The following NLRP3 variants were observed in gnomAD, a reference collection of about 807,000 sequenced individuals.
NLRP3 encodes the protein NACHT, LRR and PYD domains-containing protein 3.
In NLRP3, 48 loss-of-function variants were observed where a neutral mutation model predicts 91.3. The ratio of observed to expected loss-of-function variants is 0.53; its 90% CI spans 0.42 to 0.67. NLRP3 has a LOEUF of 0.67. Ranked by LOEUF, NLRP3 falls within the 30% of genes least tolerant of loss-of-function variation. The probability of loss-of-function intolerance (pLI) is 0.00; values close to 1 mark genes in which losing one functional copy is unlikely to be tolerated. For missense variants in NLRP3, 982 were observed against 1,276.9 expected (o/e 0.77, Z 3.52); for synonymous variants, 561 against 507.9 (o/e 1.10, Z -1.41).
At chr1:247,433,800 TCTCTGGTCAGGTGTG>T (rs1558200282) in intron 5 of NLRP3, among the ~76,000 whole-genome samples, 21 of 137,862 alleles carry the variant, frequency 1.5e-4, no homozygotes, top group South Asian at 4.7e-4. Context: ...ATTCCAGAGC[TCTCTGGTCAGGTGTG>T]TCCTGATGCT....
Position 247,424,166 on chromosome 1 carries a change from G to T in NLRP3, c.717G>T (p.Leu239Phe), listed in dbSNP as rs770294045. Residue 239 changes from leucine (L) to phenylalanine (F), a missense_variant, in exon 4 of 10, where the codon TTG becomes TTT. Coordinates refer to ENST00000336119, the MANE Select transcript of NLRP3 (RefSeq NM_001243133.2). The surrounding 1 kb of genome is among the most constrained non-coding windows in gnomAD (Gnocchi z 8.1). ...GKTILARKMM[L>F]DWASGTLYQD... is the part of the protein sequence containing the mutation. ...CAATCCTGGCCAGGAAGATGATGTTGGACTGGGCGTCGGGGACACTCTACC... is the reference window on the plus strand; with the variant it reads ...CAATCCTGGCCAGGAAGATGATGTTTGACTGGGCGTCGGGGACACTCTACC... 1.6e-5 allele frequency: 26 copies of T among 1,613,976 alleles called. No individual in the cohort carries two copies. The highest frequency in any genetic ancestry group is 2.1e-5 in the Non-Finnish European group (25 of 1,180,028).
chr1:247,419,162 ATAT>A (rs1335820682), intron 2 of NLRP3, 85 bp downstream of exon 2: 40,381 of 245,402 alleles, frequency 0.16, 712 homozygotes, highest in Admixed American at 0.3. Flanking sequence ...ATATATATAT[ATAT>A]TTTTTTTTGA....
intron 9 of NLRP3, among the ~76,000 whole-genome samples, chr1:247,448,152 G>A (rs1186290690): frequency 1.3e-5 from 2 of 151,838 alleles, no homozygotes; most frequent in South Asian, 2.1e-4. Context: ...GACACGACGA[G>A]CACCGGCTCC....
At chr1:247,443,351 A>G (rs1193163874) in intron 7 of NLRP3, among the ~76,000 whole-genome samples, 2 of 152,002 alleles carry the variant, frequency 1.3e-5, no homozygotes, top group African/African-American at 4.8e-5. Context: ...CACCTCTCCA[A>G]CGTGGTTGAG....
At chr1:247,442,492 C>T (rs1293583353) in intron 7 of NLRP3, among the ~76,000 whole-genome samples, 1 of 152,046 alleles carries the variant, frequency 6.6e-6, no homozygotes. Flanking sequence ...AATAGTACAT[C>T]AAAACTCTTA....
At chr1:247,430,466 A>C (rs1031601657) in intron 5 of NLRP3, among the ~76,000 whole-genome samples, 4 of 152,096 alleles carry the variant, frequency 2.6e-5, no homozygotes, top group Admixed American at 2.6e-4. Context: ...TAATCTAGTC[A>C]CTCCTTTAAA....
Position 247,419,024 on chromosome 1 carries a change from C to T in NLRP3, c.224C>T (p.Ala75Val), listed in dbSNP as rs200288250. ...AWAMAVWIFA[A>V]INRRDLYEKA... is the part of the protein sequence containing the mutation. ...GCCATGGCCGTGTGGATCTTCGCTG[C>T]GATCAACAGGAGAGACCTTTATGAG... The change falls in exon 2 of 10, where the codon GCG becomes GTG. Residue 75 changes from alanine (A) to valine (V), a missense_variant. Ala to Val is a moderately conservative substitution (Grantham distance 64). Transcript: ENST00000336119. 282 of 1,613,078 alleles carry T rather than the reference C, an allele frequency of 1.7e-4. 1 individual carries two copies. The Middle Eastern group carries it at 3.8e-3, about 22-fold the overall frequency.
chr1:247,424,075 C>A lies in NLRP3; in HGVS notation c.626C>A (p.Pro209His). 6.2e-7 allele frequency: 1 copy of A among 1,614,034 alleles called. No individual in the cohort carries two copies. Among genetic ancestry groups the A allele is most frequent in the Non-Finnish European group, 8.5e-7 (1 of 1,180,020 alleles). ...ATTAAGATGGAGTTGCTGTTTGACC[C>A]CGATGATGAGCATTCTGAGCCTGTG... ...SPIKMELLFD[P>H]DDEHSEPVHT... Residue 209 changes from proline to histidine, a missense_variant, in exon 4 of 10, where the codon CCC becomes CAC. Coordinates refer to ENST00000336119, the MANE Select transcript of NLRP3 (RefSeq NM_001243133.2). The surrounding 1 kb of genome is among the most constrained non-coding windows in gnomAD (Gnocchi z 8.1).
chr1:247,422,785 G>A (rs775891684), intron 2 of NLRP3, among the ~76,000 whole-genome samples: 4 of 152,242 alleles, frequency 2.6e-5, no homozygotes, highest in South Asian at 4.1e-4. Flanking sequence ...AATAGAAGAC[G>A]TGTGTAAAAT....
rs1663606714 is a variant in NLRP3 at position 247,434,150 on chromosome 1, T to C, written c.2369T>C (p.Leu790Ser). The change falls in exon 6 of 10, where the codon TTG (leucine) becomes TCG (serine). Residue 790 changes from leucine (L) to serine (S), a missense_variant. Physicochemically the swap from Leu to Ser is moderately radical, Grantham distance 145. Coordinates refer to ENST00000336119, the MANE Select transcript of NLRP3 (RefSeq NM_001243133.2). ...LSHECCFDIS[L>S]VLSSNQKLVE... ...CATGAGTGCTGCTTCGACATCTCCTTGGTCCTCAGCAGCAACCAGAAGCTG... is the reference window on the plus strand; with the variant it reads ...CATGAGTGCTGCTTCGACATCTCCTCGGTCCTCAGCAGCAACCAGAAGCTG... The C allele has an allele frequency of 6.2e-7, 1 of 1,613,714 alleles. No individual in the cohort carries two copies. The highest frequency in any genetic ancestry group is 8.5e-7 in the Non-Finnish European group (1 of 1,179,874).
At chr1:247,426,369 G>A (rs538626517) in intron 4 of NLRP3, among the ~76,000 whole-genome samples, 24 of 152,320 alleles carry the variant, frequency 1.6e-4, no homozygotes, top group African/African-American at 5.5e-4. Flanking sequence ...AAGTGGTTGA[G>A]TCACCTGACT....
At chr1:247,446,116 G>A (rs745339665) in intron 9 of NLRP3, among the ~76,000 whole-genome samples, 2 of 152,118 alleles carry the variant, frequency 1.3e-5, no homozygotes, top group East Asian at 3.9e-4. Context: ...TGGTTCTGTC[G>A]TCACTGTCTC....
chr1:247,426,363 GGTTGA>G (rs1662882756), intron 4 of NLRP3, among the ~76,000 whole-genome samples: 1 of 152,170 alleles, frequency 6.6e-6, no homozygotes, highest in African/African-American at 2.4e-5. Flanking sequence ...GCAATGAAGT[GGTTGA>G]GTCACCTGAC....
At chr1:247,441,557 T>C (rs1453715739) in intron 7 of NLRP3, among the ~76,000 whole-genome samples, 2 of 152,184 alleles carry the variant, frequency 1.3e-5, no homozygotes, top group Non-Finnish European at 2.9e-5. Flanking sequence ...TTTTGTGACA[T>C]AGGCAGGTAG....
intron 7 of NLRP3, among the ~76,000 whole-genome samples, chr1:247,441,201 C>CCT (rs58627755): frequency 0.33 from 42,319 of 128,248 alleles, 7,548 homozygotes; most frequent in East Asian, 0.47. Context: ...CCTCCCCCCC[C>CCT]CCTTTCCCTT....
intron 5 of NLRP3, among the ~76,000 whole-genome samples, chr1:247,431,621 C>T (rs865990995): frequency 6.6e-6 from 1 of 152,140 alleles, no homozygotes; most frequent in South Asian, 2.1e-4. Flanking sequence ...CATCTTAGTA[C>T]CCATCAGTGG....
Position 247,448,409 on chromosome 1 carries a change from T to C in NLRP3, c.3010T>C (p.Ser1004Pro), listed in dbSNP as rs1664742757. The C allele has an allele frequency of 1.3e-6, 2 of 1,592,350 alleles. No homozygotes were observed. The highest frequency in any genetic ancestry group is 3.3e-5 in the Admixed American group (2 of 59,966). Residue 1004 changes from serine to proline, a missense_variant, in exon 10 of 10, where the codon TCT becomes CCT. By Grantham distance (74) the Ser-to-Pro change is moderately conservative (BLOSUM62 -1). This residue lies in a region of NLRP3 where 29 missense variants were observed against 55.3 expected (regional missense o/e 0.52). Transcript: ENST00000336119. Reference protein sequence around the residue: ...QSCLLQNLGLSEMYFNYETKS... With the variant: ...QSCLLQNLGLPEMYFNYETKS... ...GCTTTCTATTTGCTTTTACAGGTTGTCTGAAATGTATTTCAATTATGAGAC... is the reference window on the plus strand; with the variant it reads ...GCTTTCTATTTGCTTTTACAGGTTGCCTGAAATGTATTTCAATTATGAGAC...
At chr1:247,437,727 G>C (rs947708286) in intron 7 of NLRP3, among the ~76,000 whole-genome samples, 2 of 152,314 alleles carry the variant, frequency 1.3e-5, no homozygotes, top group African/African-American at 4.8e-5. Flanking sequence ...ACAGATAATA[G>C]ACATGCTAAA....
At chr1:247,423,800 G>A in intron 3 of NLRP3, 47 bp from the exon 4 acceptor site, 1 of 1,557,254 alleles carries the variant, frequency 6.4e-7, no homozygotes. Flanking sequence ...GCGCATCTCA[G>A]GTGGATGTGT....
Sources: gnomAD v4.1 joint callset for allele counts (sites outside exome capture counted in the v4.1 genomes callset) on GRCh38, gnomAD v4.1.1 for gene constraint, gnomAD v4.1.1 regional missense constraint, Gnocchi (gnomAD v3.1) non-coding constraint, MANE v1.5 for transcripts, NCBI Gene and HGNC (gene_info 2026-07-23, HGNC 2026-07-21) for gene names.